Variants in SGCZ observed in about 807,000 individuals in gnomAD.
SGCZ encodes sarcoglycan zeta.
In SGCZ, 40 loss-of-function variants were observed where a neutral mutation model predicts 41.3. That is an observed-to-expected ratio of 0.97 (90% CI 0.75 to 1.26). The LOEUF is 1.26. Ranked by LOEUF, SGCZ falls within the 50% of genes most tolerant of loss-of-function variation. The pLI is 0.00. For synonymous variants in SGCZ, 206 were observed against 137.5 expected (o/e 1.50, Z -3.49); for missense variants, 552 against 369.8 (o/e 1.49, Z -4.04).
intron 1 of SGCZ, among the ~76,000 whole-genome samples, chr8:15,215,861 G>T (rs1374829871): frequency 6.6e-6 from 1 of 152,110 alleles, no homozygotes; most frequent in Admixed American, 6.5e-5. Context: ...TGCAAACAAA[G>T]ATATAATGTG....
rs557347984 is a variant in SGCZ, at chr8:14,979,503, C to T, written c.39+258082G>A. On this transcript the variant is annotated intron_variant, in intron 1 of 7. Coordinates refer to ENST00000382080, the MANE Select transcript of SGCZ (RefSeq NM_139167.4). ...AATGGATATGCCTTATTATGTCTTT[C>T]TGCTACAGTTGTTCAGTGTTGCTTT... 1.1e-4 allele frequency among the ~76,000 whole-genome samples: 16 copies of T among 152,320 alleles called. No individual in the cohort carries two copies. The East Asian group carries it at 3.1e-3, about 29-fold the overall frequency.
intron 1 of SGCZ, among the ~76,000 whole-genome samples, chr8:14,815,243 C>CT (rs35797553): frequency 0.099 from 14,299 of 143,900 alleles, 1,126 homozygotes; most frequent in African/African-American, 0.22. Flanking sequence ...TCTCAATTTT[C>CT]TTTTTTTTTT....
chr8:14,607,343 C>T lies in SGCZ; in HGVS notation c.40-52417G>A, dbSNP rs7832551. 2.4e-3 allele frequency among the ~76,000 whole-genome samples: 370 copies of T among 152,196 alleles called. 1 individual carries two copies. Among genetic ancestry groups the T allele is most frequent in the Middle Eastern group, 6.8e-3 (2 of 294 alleles). ...TATTAATATTTTTATCACTGAATTA[C>T]GATCATCACTGCTTAAATATAACTT... On this transcript the variant is annotated intron_variant, in intron 1 of 7. Coordinates refer to ENST00000382080, the MANE Select transcript of SGCZ (RefSeq NM_139167.4).
In SGCZ at chr8:14,477,690, G is replaced by C. The variant is rs533403556; in HGVS notation, c.234+77042C>G. Among the ~76,000 whole-genome samples, 5 of 152,168 alleles carry C rather than the reference G, an allele frequency of 3.3e-5. No individual in the cohort carries two copies. The East Asian group carries it at 9.7e-4, about 29-fold the overall frequency. On this transcript the variant is annotated intron_variant, in intron 2 of 7. Coordinates refer to ENST00000382080, the MANE Select transcript of SGCZ (RefSeq NM_139167.4). ...CTAACTTTCTAAACATAAATTTTTT[G>C]AAGTGTTCTGCTTTTCCTAAGAATA...
At chr8:14,762,506 A>T (rs556249115) in intron 1 of SGCZ, among the ~76,000 whole-genome samples, 1 of 152,324 alleles carries the variant, frequency 6.6e-6, no homozygotes, top group African/African-American at 2.4e-5. Flanking sequence ...ACAGCGCCCA[A>T]CATATAGTAA....
intron 2 of SGCZ, among the ~76,000 whole-genome samples, chr8:14,398,731 T>C (rs1798988825): frequency 6.6e-6 from 1 of 152,164 alleles, no homozygotes; most frequent in Admixed American, 6.6e-5. Context: ...ATTTATTGGA[T>C]ATGCATTGTT....
chr8:14,632,180 G>C (rs189456293), intron 1 of SGCZ, among the ~76,000 whole-genome samples: 1 of 151,848 alleles, frequency 6.6e-6, no homozygotes, highest in East Asian at 2.0e-4. Context: ...CACCATGCCT[G>C]GCTAATTTTT....
rs137881651 is a variant in SGCZ at position 15,130,960 on chromosome 8, C to T, written c.39+106625G>A. Among the ~76,000 whole-genome samples the T allele has an allele frequency of 4.4e-3, 668 of 152,130 alleles. 7 individuals are homozygous for T. The highest frequency in any genetic ancestry group is 0.015 in the African/African-American group (611 of 41,528). On this transcript the variant is annotated intron_variant, in intron 1 of 7. Coordinates refer to ENST00000382080, the MANE Select transcript of SGCZ (RefSeq NM_139167.4). Reference sequence around the variant, plus strand: ...TATGTGTTGACCATTGTGCTAGATACGGGGCTTACAAAAATGAATGAACTC... The same window carrying T: ...TATGTGTTGACCATTGTGCTAGATATGGGGCTTACAAAAATGAATGAACTC...
At chr8:14,148,397 A>G (rs766128775) in intron 5 of SGCZ, among the ~76,000 whole-genome samples, 15 of 152,108 alleles carry the variant, frequency 9.9e-5, no homozygotes, top group Non-Finnish European at 2.1e-4. Flanking sequence ...AGTAGTTACT[A>G]TGAGCAACTA....
intron 4 of SGCZ, among the ~76,000 whole-genome samples, chr8:14,188,831 T>G (rs1176424174): frequency 3.0e-4 from 7 of 23,272 alleles, no homozygotes; most frequent in East Asian, 2.2e-3. Context: ...TTTGTTTTTT[T>G]TTGTTTGTTT....
chr8:14,543,445 T>C (rs763499664), intron 2 of SGCZ, among the ~76,000 whole-genome samples: 4 of 152,058 alleles, frequency 2.6e-5, no homozygotes, highest in Non-Finnish European at 5.9e-5. Context: ...TGGGTAAAAA[T>C]GAAGTCTAGA....
chr8:14,751,674 G>T (rs770344496), intron 1 of SGCZ, among the ~76,000 whole-genome samples: 13 of 152,020 alleles, frequency 8.6e-5, no homozygotes, highest in African/African-American at 4.8e-5. Flanking sequence ...TTTGCCTCCC[G>T]AGTAGCTGTG....
intron 1 of SGCZ, among the ~76,000 whole-genome samples, chr8:15,206,014 T>G (rs973750831): frequency 6.6e-6 from 1 of 152,094 alleles, no homozygotes; most frequent in African/African-American, 2.4e-5. Flanking sequence ...ATGTTCTTAC[T>G]GGGGTCTACT....
At chr8:14,694,889 G>T (rs540508299) in intron 1 of SGCZ, among the ~76,000 whole-genome samples, 5 of 152,036 alleles carry the variant, frequency 3.3e-5, no homozygotes, top group African/African-American at 1.2e-4. Flanking sequence ...CATCCCAAAT[G>T]ATTCAAAAGC....
intron 1 of SGCZ, among the ~76,000 whole-genome samples, chr8:14,630,407 T>C (rs997196445): frequency 4.6e-5 from 7 of 152,018 alleles, no homozygotes; most frequent in Admixed American, 1.3e-4. Flanking sequence ...AATAGGAAGA[T>C]TTTTACACTG....
At chr8:14,468,220 A>G (rs1028122072) in intron 2 of SGCZ, among the ~76,000 whole-genome samples, 1 of 152,076 alleles carries the variant, frequency 6.6e-6, no homozygotes, top group African/African-American at 2.4e-5. Flanking sequence ...TAATACAGAT[A>G]GAATGATATA....
intron 2 of SGCZ, among the ~76,000 whole-genome samples, chr8:14,418,864 AC>A (rs1468957580): frequency 4.6e-5 from 7 of 151,874 alleles, no homozygotes; most frequent in Non-Finnish European, 7.4e-5. Context: ...GTTTTGTGGA[AC>A]CCCCACATTT....
intron 1 of SGCZ, among the ~76,000 whole-genome samples, chr8:14,854,264 C>T (rs996771316): frequency 2.0e-5 from 3 of 151,404 alleles, no homozygotes; most frequent in Non-Finnish European, 2.9e-5. Context: ...GTGTTAACAA[C>T]ATTATATGCA....
At chr8:14,536,352 T>C (rs534343316) in intron 2 of SGCZ, among the ~76,000 whole-genome samples, 31 of 152,028 alleles carry the variant, frequency 2.0e-4, no homozygotes, top group African/African-American at 6.0e-4. Context: ...TCTGAAATCA[T>C]TGATTTTATG....
Sources: allele counts gnomAD v4.1 joint callset (sites outside exome capture counted in the v4.1 genomes callset), GRCh38; gene constraint gnomAD v4.1.1; transcripts MANE v1.5; gene names NCBI Gene and HGNC (gene_info 2026-07-23, HGNC 2026-07-21).